Variants in CDKN2A observed in about 807,000 individuals in gnomAD.
The protein encoded by CDKN2A is cyclin-dependent kinase inhibitor 2A.
CDKN2A carries 3 observed loss-of-function variants against 11.1 expected under a neutral mutation model. The ratio of observed to expected loss-of-function variants is 0.27; its 90% CI spans 0.12 to 0.70. The LOEUF is 0.70. Among genes scored for constraint, CDKN2A ranks in the 30% least tolerant of loss-of-function variants. The pLI is 0.77. For missense variants in CDKN2A, 265 were observed against 233.6 expected, an observed-to-expected ratio of 1.13 and a Z score of -0.88; for synonymous variants, 122 against 108.1, an observed-to-expected ratio of 1.13 and a Z score of -0.80.
At chr9:21,976,825 C>A (rs1341876195), upstream of CDKN2A, among the ~76,000 whole-genome samples, 2 of 152,226 alleles carry the variant, frequency 1.3e-5, no homozygotes, top group African/African-American at 4.8e-5. Flanking sequence ...AGTTAAACAG[C>A]ACTAAAGAGT....
In CDKN2A at chr9:21,971,130, T is replaced by C. The variant is rs1563889628; in HGVS notation, c.229A>G (p.Thr77Ala). The C allele has an allele frequency of 6.3e-7, 1 of 1,596,278 alleles. No individual in the cohort carries two copies. The highest frequency in any genetic ancestry group is 8.5e-7 in the Non-Finnish European group (1 of 1,176,944). ...GCGTCGTGCACGGGTCGGGTGAGAG[T>C]GGCGGGGTCGGCGCAGTTGGGCTCC... ...GAEPNCADPA[T>A]LTRPVHDAAR... Residue 77 changes from threonine (T) to alanine (A), a missense_variant, in exon 2 of 3, where the codon ACT becomes GCT. Coordinates refer to ENST00000304494, the MANE Select transcript of CDKN2A (RefSeq NM_000077.5).
rs1477811227 is a variant in CDKN2A, at chr9:21,988,761, G to GA, written c.-4+5120dup. On this transcript the variant is annotated intron_variant, in intron 2 of 3. Coordinates refer to the CDKN2A transcript ENST00000494262. This position sits in a 1 kb window ranked among gnomAD's most constrained non-coding sequence, Gnocchi z 4.1. ...TGCCCTCTCCTCCTAAATAAAAGTT[G>GA]AAAAAAAATCTACGAGGCACTATAT... 6.6e-6 allele frequency among the ~76,000 whole-genome samples: 1 copy of GA among 151,498 alleles called. No homozygotes were observed. The highest frequency in any genetic ancestry group is 6.6e-5 in the Admixed American group (1 of 15,226).
chr9:21,978,208 GTATACA>G (rs1208077924), upstream of CDKN2A, among the ~76,000 whole-genome samples: 1 of 151,810 alleles, frequency 6.6e-6, no homozygotes, highest in African/African-American at 2.4e-5. Flanking sequence ...CATGGCACAT[GTATACA>G]TATGTAACAA....
At chr9:21,987,426 CACACACAGAGAG>C (rs1369253945) in intron 2 of CDKN2A, among the ~76,000 whole-genome samples, 5 of 121,520 alleles carry the variant, frequency 4.1e-5, no homozygotes, top group African/African-American at 1.2e-4. Flanking sequence ...CACACACACA[CACACACAGAGAG>C]AGAGAGAGAG....
Position 21,968,702 on chromosome 9 carries a change from C to G in CDKN2A, c.458-460G>C, listed in dbSNP as rs1819532215. On this transcript the variant is annotated intron_variant, in intron 2 of 2. Transcript: ENST00000304494. This position sits in a 1 kb window ranked among gnomAD's most constrained non-coding sequence, Gnocchi z 4.7. ...AAGGGCGCCTCAGGCTCTGGCGCTC[C>G]TCGGCGGAATCCCGTAGCTTCCCTA... 1 of 1,536,180 alleles carries G rather than the reference C, an allele frequency of 6.5e-7. No individual in the cohort carries two copies. The highest frequency in any genetic ancestry group is 8.7e-7 in the Non-Finnish European group (1 of 1,146,904).
rs1025558190 is a variant in CDKN2A, at chr9:21,968,485, C to G, written c.458-243G>C. On this transcript the variant is annotated intron_variant, in intron 2 of 2. Transcript: ENST00000304494. The surrounding 1 kb of genome is among the most constrained non-coding windows in gnomAD (Gnocchi z 4.7). ...ACCGCTCAAGCGCTCCAGGTCCACCCGGCGGAGGGCAGAGAAAGCGCGACC... is the reference window on the plus strand; with the variant it reads ...ACCGCTCAAGCGCTCCAGGTCCACCGGGCGGAGGGCAGAGAAAGCGCGACC... The G allele has an allele frequency of 6.9e-7, 1 of 1,458,398 alleles. No homozygotes were observed. The highest frequency in any genetic ancestry group is 1.4e-5 in the African/African-American group (1 of 70,360). 90.3% of individuals were successfully genotyped at this position (1,458,398 alleles called of 1,614,324 possible).
In CDKN2A at chr9:21,967,839, C is replaced by G. The variant is rs182558871; in HGVS notation, c.*390G>C. ...GTGTGACTCAAGAGAAGCCAGTAAC[C>G]CCCCTGAGCTTCCCTAGTTCACAAA... is the stretch of plus-strand genomic sequence containing the variant. On this transcript the variant is annotated 3_prime_UTR_variant, in exon 3 of 3. Transcript: ENST00000304494. 25 of 319,738 alleles carry G rather than the reference C, an allele frequency of 7.8e-5. No individual in the cohort carries two copies. The highest frequency in any genetic ancestry group is 8.7e-5 in the Non-Finnish European group (15 of 171,894). 19.8% of individuals were successfully genotyped at this position (319,738 alleles called of 1,614,324 possible).
Position 21,981,010 on chromosome 9 carries a change from A to ACG in CDKN2A, c.-3-9803_-3-9802insCG, listed in dbSNP as rs1480324682. Among the ~76,000 whole-genome samples the ACG allele has an allele frequency of 4.6e-5, 3 of 65,208 alleles. 1 individual carries two copies. The highest frequency in any genetic ancestry group is 1.8e-4 in the African/African-American group (3 of 16,710). The allele number at this position is 65,208 out of a possible 152,430, so 42.8% of individuals were successfully genotyped here. On this transcript the variant is annotated intron_variant, in intron 2 of 3. Coordinates refer to the CDKN2A transcript ENST00000494262. ...TACACGTATATATATATACGTGTAT[A>ACG]TATATATATACGTGTATATATATAT...
Position 21,974,460 on chromosome 9 carries a change from T to G in CDKN2A, c.150+218A>C, listed in dbSNP as rs1265145172. On this transcript the variant is annotated intron_variant, in intron 1 of 2. Coordinates refer to ENST00000304494, the MANE Select transcript of CDKN2A (RefSeq NM_000077.5). The surrounding 1 kb of genome is among the most constrained non-coding windows in gnomAD (Gnocchi z 5.2). ...AGATCTTCTCAGCATTCGAGAGATC[T>G]GTACGCGCGTGGCTCCTCATTCCTC... 6.2e-7 allele frequency: 1 copy of G among 1,606,268 alleles called. No homozygotes were observed. Among genetic ancestry groups the G allele is most frequent in the Non-Finnish European group, 8.5e-7 (1 of 1,179,072 alleles).
chr9:21,993,545 G>T (rs1820489786), intron 2 of CDKN2A, among the ~76,000 whole-genome samples: 1 of 152,112 alleles, frequency 6.6e-6, no homozygotes, highest in African/African-American at 2.4e-5. Flanking sequence ...TTTCCCTGTT[G>T]GCTGCAAAAC....
chr9:21,972,974 G>A (rs1026403292), intron 1 of CDKN2A, among the ~76,000 whole-genome samples: 4 of 152,096 alleles, frequency 2.6e-5, no homozygotes, highest in African/African-American at 9.7e-5. Flanking sequence ...TTATATTATG[G>A]TTATTAAATC....
At chr9:21,971,405 T>C in intron 1 of CDKN2A, 197 bp from the exon 2 acceptor site, 1 of 1,444,704 alleles carries the variant, frequency 6.9e-7, no homozygotes, top group East Asian at 2.5e-5. Flanking sequence ...AATTCCATTA[T>C]ATCCTCCGAA....
intron 2 of CDKN2A, among the ~76,000 whole-genome samples, chr9:21,983,520 T>C (rs1820241447): frequency 6.6e-6 from 1 of 152,054 alleles, no homozygotes; most frequent in Admixed American, 6.5e-5. Flanking sequence ...TTGTCAGATA[T>C]TTAAGGTGTT....
At chr9:21,975,696 G>A (rs36228502), upstream of CDKN2A, among the ~76,000 whole-genome samples, 1,397 of 152,288 alleles carry the variant, frequency 9.2e-3, 105 homozygotes, top group East Asian at 0.19. Flanking sequence ...GGAGAATTCT[G>A]CCTGTAGGCA....
chr9:21,992,557 T>C (rs902986404), intron 2 of CDKN2A: 9 of 464,370 alleles, frequency 1.9e-5, no homozygotes, highest in African/African-American at 1.5e-4. Context: ...TACATTAACA[T>C]ACTATAAAAT....
At position 21,991,220 on chromosome 9, in the gene CDKN2A, G is replaced by A. The variant is rs527378217; in HGVS notation, c.-4+2662C>T. 3.9e-5 allele frequency among the ~76,000 whole-genome samples: 6 copies of A among 152,110 alleles called. No homozygotes were observed. Among genetic ancestry groups the A allele is most frequent in the Non-Finnish European group, 5.9e-5 (4 of 68,040 alleles). On this transcript the variant is annotated intron_variant, in intron 2 of 3. Transcript: ENST00000494262. This position sits in a 1 kb window ranked among gnomAD's most constrained non-coding sequence, Gnocchi z 5.2. Reference sequence around the variant, plus strand: ...GCAAGCTTGTCCAACCTGTGGGCCCGAGGGTCACATGCAGCCCAGGATGGT... The same window carrying A: ...GCAAGCTTGTCCAACCTGTGGGCCCAAGGGTCACATGCAGCCCAGGATGGT...
chr9:21,974,456 G>A lies in CDKN2A; in HGVS notation c.150+222C>T, dbSNP rs1323923319. On this transcript the variant is annotated intron_variant, in intron 1 of 2. Transcript: ENST00000304494. This position sits in a 1 kb window ranked among gnomAD's most constrained non-coding sequence, Gnocchi z 5.2. ...CTTCAGATCTTCTCAGCATTCGAGA[G>A]ATCTGTACGCGCGTGGCTCCTCATT... 1 of 1,606,108 alleles carries A rather than the reference G, an allele frequency of 6.2e-7. No individual in the cohort carries two copies. The highest frequency in any genetic ancestry group is 8.5e-7 in the Non-Finnish European group (1 of 1,178,996).
At position 21,988,601 on chromosome 9, in the gene CDKN2A, T is replaced by C. The variant is rs1289498996; in HGVS notation, c.-4+5281A>G. Among the ~76,000 whole-genome samples, 2 of 151,880 alleles carry C rather than the reference T, an allele frequency of 1.3e-5. No individual in the cohort carries two copies. Among genetic ancestry groups the C allele is most frequent in the Middle Eastern group, 3.2e-3 (1 of 316 alleles). On this transcript the variant is annotated intron_variant, in intron 2 of 3. Coordinates refer to the CDKN2A transcript ENST00000494262. The surrounding 1 kb of genome is among the most constrained non-coding windows in gnomAD (Gnocchi z 4.1). Reference sequence around the variant, plus strand: ...ACAATAGACATTGGGGACTACTAGATGGAGGAGAAAGGGAATGAGCGAGGG... The same window carrying C: ...ACAATAGACATTGGGGACTACTAGACGGAGGAGAAAGGGAATGAGCGAGGG...
chr9:21,987,249 T>G (rs139540158), intron 2 of CDKN2A, among the ~76,000 whole-genome samples: 55 of 152,248 alleles, frequency 3.6e-4, no homozygotes, highest in African/African-American at 1.2e-3. Flanking sequence ...GGCTACATTT[T>G]CCTGCAATCT....
Sources: gnomAD v4.1 joint callset for allele counts (sites outside exome capture counted in the v4.1 genomes callset) on GRCh38, gnomAD v4.1.1 for gene constraint, Gnocchi (gnomAD v3.1) non-coding constraint, MANE v1.5 for transcripts, NCBI Gene and HGNC (gene_info 2026-07-23, HGNC 2026-07-21) for gene names.